Variants in RHOU observed in about 807,000 individuals in gnomAD.
The protein encoded by RHOU is ras homolog family member U.
In RHOU, 8 loss-of-function variants were observed where a neutral mutation model predicts 12.6. The observed-to-expected ratio is 0.64, with a 90% CI of 0.37 to 1.15. The LOEUF (loss-of-function observed/expected upper bound fraction) is 1.15, where lower values mean the gene tolerates loss of function less well. RHOU is among the 50% of genes most tolerant of loss of function. The pLI, the probability that RHOU is intolerant of heterozygous loss-of-function variation, is 0.01. For missense variants in RHOU, 258 were observed against 347.0 expected, an observed-to-expected ratio of 0.74 and a Z score of 2.04; for synonymous variants, 161 against 147.4, an observed-to-expected ratio of 1.09 and a Z score of -0.67.
At chr1:228,727,835 C>T in the RHOU span, among the ~76,000 whole-genome samples, 2 of 152,066 alleles carry the variant, frequency 1.3e-5, no homozygotes, top group Non-Finnish European at 2.9e-5. Context: ...TTCAGGGTGA[C>T]TGAAAAATTA....
At chr1:228,659,081 A>G in the RHOU span, among the ~76,000 whole-genome samples, 1 of 152,102 alleles carries the variant, frequency 6.6e-6, no homozygotes, top group Admixed American at 6.6e-5. Flanking sequence ...ACGTTTTAAA[A>G]AAACAAAAAA....
At chr1:228,715,008 C>T in the RHOU span, among the ~76,000 whole-genome samples, 2 of 151,960 alleles carry the variant, frequency 1.3e-5, no homozygotes, top group African/African-American at 2.4e-5. Flanking sequence ...TCCCAAAGTG[C>T]TGGGATTACA....
chr1:228,664,207 C>T, the RHOU span, among the ~76,000 whole-genome samples: 45 of 147,870 alleles, frequency 3.0e-4, no homozygotes, highest in African/African-American at 1.1e-3. Flanking sequence ...TTTGTAGAGG[C>T]GAGGTTTCTC....
chr1:228,711,777 A>AG, the RHOU span, among the ~76,000 whole-genome samples: 1 of 148,920 alleles, frequency 6.7e-6, no homozygotes, highest in African/African-American at 2.5e-5. Context: ...AAACACCAAA[A>AG]GCAATGGCAA....
the RHOU span, among the ~76,000 whole-genome samples, chr1:228,710,728 G>C: frequency 0.019 from 2,876 of 150,416 alleles, 98 homozygotes; most frequent in African/African-American, 0.066. Flanking sequence ...AAAACTGGAA[G>C]CATTCCCTTT....
the RHOU span, among the ~76,000 whole-genome samples, chr1:228,646,979 G>T: frequency 1.3e-5 from 2 of 151,998 alleles, no homozygotes; most frequent in African/African-American, 4.8e-5. Flanking sequence ...AAGTACAGAG[G>T]TACAGAGGGA....
the RHOU span, among the ~76,000 whole-genome samples, chr1:228,717,148 G>C: frequency 3.3e-5 from 5 of 152,140 alleles, no homozygotes; most frequent in Non-Finnish European, 5.9e-5. Context: ...TGAAACAAAA[G>C]CATTTCCTTT....
Position 228,745,993 on chromosome 1 carries a change from C to A in RHOU, c.*2253C>A, listed in dbSNP as rs2102721288. 1 of 152,330 alleles carries A rather than the reference C, an allele frequency of 6.6e-6. No individual in the cohort carries two copies. The highest frequency in any genetic ancestry group is 2.4e-5 in the African/African-American group (1 of 41,580). 9.4% of individuals were successfully genotyped at this position (152,330 alleles called of 1,614,324 possible). ...GCCTTTAGGCCATGGGTGGAAAGTGCTCAGTGAAGTACACCTGTGTGGCCC... is the reference window on the plus strand; with the variant it reads ...GCCTTTAGGCCATGGGTGGAAAGTGATCAGTGAAGTACACCTGTGTGGCCC... On this transcript the variant is annotated 3_prime_UTR_variant, in exon 3 of 3. Transcript: ENST00000366691.
chr1:228,663,538 A>G, the RHOU span, among the ~76,000 whole-genome samples: 3 of 151,980 alleles, frequency 2.0e-5, no homozygotes, highest in African/African-American at 7.2e-5. Flanking sequence ...AAAAAAAATT[A>G]AGCAGCAATA....
chr1:228,689,057 C>T, the RHOU span, among the ~76,000 whole-genome samples: 3 of 152,350 alleles, frequency 2.0e-5, no homozygotes, highest in Middle Eastern at 3.4e-3. Flanking sequence ...TCTCCTCCTT[C>T]TCCGCCTGAA....
chr1:228,745,813 C>A lies in RHOU; in HGVS notation c.*2073C>A, dbSNP rs985009659. ...GAAGATGAGTTATTTAACTGGTAAG[C>A]GATTTGAAACACTATTTTTATATTA... On this transcript the variant is annotated 3_prime_UTR_variant, in exon 3 of 3. Coordinates refer to ENST00000366691, the MANE Select transcript of RHOU (RefSeq NM_021205.6). 1 of 152,218 alleles carries A rather than the reference C, an allele frequency of 6.6e-6. No homozygotes were observed. The highest frequency in any genetic ancestry group is 1.9e-4 in the East Asian group (1 of 5,200). The allele number at this position is 152,218 out of a possible 1,614,324, so 9.4% of individuals were successfully genotyped here.
At chr1:228,655,565 A>C in the RHOU span, among the ~76,000 whole-genome samples, 9 of 152,330 alleles carry the variant, frequency 5.9e-5, no homozygotes, top group African/African-American at 2.2e-4. Flanking sequence ...CTCCAGGTAG[A>C]CTTAGCCTGA....
upstream of RHOU, among the ~76,000 whole-genome samples, chr1:228,733,377 GGCTC>G (rs1288001742): frequency 5.3e-5 from 8 of 152,224 alleles, no homozygotes; most frequent in East Asian, 1.5e-3. Context: ...GTTGATCAAG[GGCTC>G]ACTGGAGCCT....
the RHOU span, among the ~76,000 whole-genome samples, chr1:228,707,105 CATATATATATAT>C: frequency 0.047 from 3,328 of 70,828 alleles, 269 homozygotes; most frequent in African/African-American, 0.23. Flanking sequence ...TATATACATA[CATATATATATAT>C]ATATATATAC....
At chr1:228,709,149 A>G in the RHOU span, among the ~76,000 whole-genome samples, 1 of 152,112 alleles carries the variant, frequency 6.6e-6, no homozygotes, top group Non-Finnish European at 1.5e-5. Context: ...GAGCACCCAG[A>G]TTCATAAAGC....
At chr1:228,662,472 A>G in the RHOU span, among the ~76,000 whole-genome samples, 1 of 152,260 alleles carries the variant, frequency 6.6e-6, no homozygotes, top group African/African-American at 2.4e-5. Context: ...AAAATGTGGC[A>G]CATATACACC....
the RHOU span, among the ~76,000 whole-genome samples, chr1:228,680,251 G>A: frequency 1.2e-4 from 18 of 152,124 alleles, no homozygotes; most frequent in African/African-American, 4.3e-4. Flanking sequence ...AGGGAACATT[G>A]GGTTTGGGCT....
chr1:228,708,201 C>T, the RHOU span, among the ~76,000 whole-genome samples: 7 of 152,154 alleles, frequency 4.6e-5, no homozygotes, highest in African/African-American at 1.2e-4. Flanking sequence ...CTGAAAGTGA[C>T]GGGGAGAATG....
At chr1:228,671,071 C>G in the RHOU span, among the ~76,000 whole-genome samples, 1 of 152,152 alleles carries the variant, frequency 6.6e-6, no homozygotes, top group Non-Finnish European at 1.5e-5. Flanking sequence ...GTGGCGTGAT[C>G]TTGGCTCACT....
Sources: gnomAD v4.1 joint callset for allele counts (sites outside exome capture counted in the v4.1 genomes callset) on GRCh38, gnomAD v4.1.1 for gene constraint, MANE v1.5 for transcripts, NCBI Gene and HGNC (gene_info 2026-07-23, HGNC 2026-07-21) for gene names.